IGF2BP2: variants seen among roughly 807,000 people sequenced by gnomAD.
The protein encoded by IGF2BP2 is insulin-like growth factor 2 mRNA-binding protein 2.
Under a neutral mutation model 75.8 loss-of-function variants are expected in IGF2BP2, and 17 were observed. The ratio of observed to expected loss-of-function variants is 0.22; its 90% confidence interval spans 0.15 to 0.34. The LOEUF is 0.34. IGF2BP2 is among the 10% of genes least tolerant of loss of function. The probability of loss-of-function intolerance (pLI) is 1.00; values close to 1 mark genes in which losing one functional copy is unlikely to be tolerated. For synonymous variants in IGF2BP2, 288 were observed against 295.6 expected, an observed-to-expected ratio of 0.97 and a Z score of 0.26; for missense variants, 516 against 772.4, an observed-to-expected ratio of 0.67 and a Z score of 3.93.
intron 2 of IGF2BP2, among the ~76,000 whole-genome samples, chr3:185,705,877 C>G (rs1723955196): frequency 6.6e-6 from 1 of 152,200 alleles, no homozygotes; most frequent in African/African-American, 2.4e-5. Flanking sequence ...TAAATATCAC[C>G]ACCTTGGGGG....
intron 3 of IGF2BP2, among the ~76,000 whole-genome samples, chr3:185,697,676 G>A (rs1722762299): frequency 6.6e-6 from 1 of 152,104 alleles, no homozygotes; most frequent in African/African-American, 2.4e-5. Context: ...TTCTACTTTT[G>A]TTGCCTTTTC....
intron 7 of IGF2BP2, among the ~76,000 whole-genome samples, chr3:185,686,353 CA>C (rs1336411597): frequency 6.6e-6 from 1 of 151,352 alleles, no homozygotes; most frequent in Non-Finnish European, 1.5e-5. Context: ...TACTGCACTC[CA>C]GCCTAGGGCA....
At chr3:185,648,264 C>T (rs1414441162) in intron 14 of IGF2BP2, among the ~76,000 whole-genome samples, 1 of 152,038 alleles carries the variant, frequency 6.6e-6, no homozygotes, top group African/African-American at 2.4e-5. Flanking sequence ...CGAGACCAGC[C>T]TGACCTGACC....
At chr3:185,823,306 C>A (rs1578426166) in intron 1 of IGF2BP2, 93 bp from the exon 2 acceptor site, 2 of 986,422 alleles carry the variant, frequency 2.0e-6, no homozygotes, top group East Asian at 2.7e-5. Flanking sequence ...CGCTCGGGCT[C>A]CGCCTTCGGG....
chr3:185,643,784 T>TC lies in IGF2BP2; in HGVS notation c.*1746_*1747insG, dbSNP rs1438636669. The stretch of plus-strand genomic sequence containing the variant: ...TCTGTTTTTTCTTTTTTTTTCTTTT[T>TC]TTTTTTTTTTTTTTTGTCACAGAAC... On this transcript the variant is annotated 3_prime_UTR_variant, in exon 16 of 16. Transcript: ENST00000382199. The TC allele has an allele frequency of 2.1e-5, 3 of 146,304 alleles. No homozygotes were observed. Among genetic ancestry groups the TC allele is most frequent in the Admixed American group, 6.8e-5 (1 of 14,758 alleles). 9.1% of individuals were successfully genotyped at this position (146,304 alleles called of 1,614,324 possible).
intron 2 of IGF2BP2, among the ~76,000 whole-genome samples, chr3:185,782,280 A>G (rs974554968): frequency 6.6e-6 from 1 of 152,184 alleles, no homozygotes; most frequent in African/African-American, 2.4e-5. Context: ...CTTAGATGAG[A>G]AAACAACAGG....
intron 2 of IGF2BP2, among the ~76,000 whole-genome samples, chr3:185,771,261 GA>G (rs1362413280): frequency 6.6e-6 from 1 of 152,044 alleles, no homozygotes; most frequent in African/African-American, 2.4e-5. Flanking sequence ...CCAAGATGGT[GA>G]AACCCCTGTC....
In IGF2BP2 at chr3:185,644,024, T is replaced by A. The variant is rs1326025555; in HGVS notation, c.*1507A>T. The A allele has an allele frequency of 6.6e-6, 1 of 152,372 alleles. No individual in the cohort carries two copies. Among genetic ancestry groups the A allele is most frequent in the African/African-American group, 2.4e-5 (1 of 41,392 alleles). The allele number at this position is 152,372 out of a possible 1,614,324, so 9.4% of individuals were successfully genotyped here. On this transcript the variant is annotated 3_prime_UTR_variant, in exon 16 of 16. Coordinates refer to ENST00000382199, the MANE Select transcript of IGF2BP2 (RefSeq NM_006548.6). ...TCAAGGTTTGTCCAAAAGAAGGCCA[T>A]ATAGGTTCTTGGCTAGCGGAAGACA...
intron 2 of IGF2BP2, among the ~76,000 whole-genome samples, chr3:185,740,651 A>G (rs1729424395): frequency 6.6e-6 from 1 of 152,130 alleles, no homozygotes; most frequent in Non-Finnish European, 1.5e-5. Context: ...CCTTTGAGCT[A>G]CTCTTATCAT....
chr3:185,681,454 G>C (rs1720375302), intron 7 of IGF2BP2, among the ~76,000 whole-genome samples: 1 of 152,170 alleles, frequency 6.6e-6, no homozygotes, highest in African/African-American at 2.4e-5. Flanking sequence ...TAAATGGAAA[G>C]ACATCCTGTG....
intron 2 of IGF2BP2, among the ~76,000 whole-genome samples, chr3:185,772,215 T>A (rs1274449727): frequency 1.3e-5 from 2 of 152,186 alleles, no homozygotes; most frequent in East Asian, 3.8e-4. Flanking sequence ...TGGCCGATAC[T>A]ACAAAAATGT....
intron 2 of IGF2BP2, among the ~76,000 whole-genome samples, chr3:185,734,694 C>T (rs1384603600): frequency 2.0e-5 from 3 of 152,216 alleles, no homozygotes; most frequent in Non-Finnish European, 2.9e-5. Flanking sequence ...AATTTTCCTG[C>T]TTACAGCAGG....
At chr3:185,688,823 C>G (rs913635030) in intron 6 of IGF2BP2, among the ~76,000 whole-genome samples, 4 of 152,222 alleles carry the variant, frequency 2.6e-5, no homozygotes, top group Non-Finnish European at 4.4e-5. Context: ...CAAAAATCAA[C>G]AATTCCATAA....
intron 7 of IGF2BP2, among the ~76,000 whole-genome samples, chr3:185,684,755 T>A (rs1577960910): frequency 1.3e-5 from 2 of 152,116 alleles, no homozygotes; most frequent in East Asian, 3.9e-4. Context: ...TTGGTGTAAT[T>A]ACTCATTATT....
intron 2 of IGF2BP2, among the ~76,000 whole-genome samples, chr3:185,704,082 C>T (rs1037077431): frequency 2.0e-5 from 3 of 152,280 alleles, no homozygotes; most frequent in South Asian, 4.2e-4. Context: ...TCCTTTGGGG[C>T]TCCATGCGGG....
At chr3:185,791,761 T>C (rs180691699) in intron 2 of IGF2BP2, among the ~76,000 whole-genome samples, 24 of 152,392 alleles carry the variant, frequency 1.6e-4, no homozygotes, top group Admixed American at 1.4e-3. Context: ...TGACTGCTTA[T>C]AGCATCATGT....
intron 12 of IGF2BP2, among the ~76,000 whole-genome samples, chr3:185,653,384 A>G (rs57158761): frequency 0.45 from 68,380 of 151,808 alleles, 15,667 homozygotes; most frequent in South Asian, 0.62. Context: ...ACTTTGGGAG[A>G]CCGAGATGGA....
intron 3 of IGF2BP2, among the ~76,000 whole-genome samples, chr3:185,697,264 CCTGG>C (rs1722704739): frequency 6.6e-6 from 1 of 152,140 alleles, no homozygotes; most frequent in Non-Finnish European, 1.5e-5. Flanking sequence ...TGTCACCATG[CCTGG>C]CTAATTTTTG....
intron 2 of IGF2BP2, among the ~76,000 whole-genome samples, chr3:185,798,323 T>C (rs570525384): frequency 3.9e-5 from 6 of 152,284 alleles, no homozygotes; most frequent in African/African-American, 1.4e-4. Context: ...AAATCTACAG[T>C]GGAAAAAGGC....
Sources: gnomAD v4.1 joint callset for allele counts (sites outside exome capture counted in the v4.1 genomes callset) on GRCh38, gnomAD v4.1.1 for gene constraint, MANE v1.5 for transcripts, NCBI Gene and HGNC (gene_info 2026-07-23, HGNC 2026-07-21) for gene names.